The following CSMD1 variants were observed in gnomAD, a reference collection of about 807,000 sequenced individuals.
CSMD1 encodes the protein CUB and Sushi multiple domains 1, also known as CUB and sushi domain-containing protein 1.
A neutral mutation model predicts 417.5 loss-of-function variants in CSMD1; 213 were observed. The observed-to-expected ratio is 0.51, with a 90% CI of 0.46 to 0.57. The LOEUF is 0.57. Among genes scored for constraint, CSMD1 ranks in the 20% least tolerant of loss-of-function variants. CSMD1 has a pLI of 0.00. For missense variants in CSMD1, 6,923 were observed against 4,529.7 expected (o/e 1.53, Z -15.17); for synonymous variants, 2,862 against 1,736.8 (o/e 1.65, Z -16.11).
chr8:4,344,873 A>G (rs1056371378), intron 3 of CSMD1, among the ~76,000 whole-genome samples: 5 of 152,172 alleles, frequency 3.3e-5, no homozygotes, highest in Non-Finnish European at 1.5e-5. Context: ...CCTAGCGATA[A>G]GGACAACTCA....
chr8:3,055,405 G>A (rs577020304), intron 49 of CSMD1, among the ~76,000 whole-genome samples: 2 of 152,192 alleles, frequency 1.3e-5, no homozygotes, highest in East Asian at 1.9e-4. Flanking sequence ...TTAAAATAAC[G>A]GTTGGCAATG....
chr8:4,193,131 A>G (rs149086544), intron 3 of CSMD1, among the ~76,000 whole-genome samples: 50 of 152,304 alleles, frequency 3.3e-4, no homozygotes, highest in African/African-American at 1.2e-3. Context: ...AGCTTTCAGG[A>G]AAGACATCTG....
At chr8:4,522,208 T>C (rs947716335) in intron 2 of CSMD1, among the ~76,000 whole-genome samples, 7 of 152,072 alleles carry the variant, frequency 4.6e-5, no homozygotes, top group Admixed American at 3.3e-4. Flanking sequence ...TTTATAAAAA[T>C]GGGAGGTTCT....
At chr8:3,892,715 GTTTTTTTTT>G (rs35178951) in intron 5 of CSMD1, among the ~76,000 whole-genome samples, 4 of 107,090 alleles carry the variant, frequency 3.7e-5, no homozygotes, top group African/African-American at 1.3e-4. Context: ...ATTTAGGCAG[GTTTTTTTTT>G]TTTTTTTTTT....
intron 3 of CSMD1, among the ~76,000 whole-genome samples, chr8:4,143,330 A>T (rs567338639): frequency 4.7e-5 from 7 of 147,964 alleles, no homozygotes; most frequent in African/African-American, 1.8e-4. Context: ...AGTTCTTCAA[A>T]TCTGATTCAT....
At chr8:4,241,211 C>T (rs1013285378) in intron 3 of CSMD1, among the ~76,000 whole-genome samples, 1 of 152,196 alleles carries the variant, frequency 6.6e-6, no homozygotes, top group African/African-American at 2.4e-5. Context: ...AAGTCCATGA[C>T]TTGTAGCACA....
At chr8:3,955,849 G>T (rs779895996) in intron 5 of CSMD1, among the ~76,000 whole-genome samples, 1 of 152,196 alleles carries the variant, frequency 6.6e-6, no homozygotes, top group Non-Finnish European at 1.5e-5. Context: ...GCCACACTGA[G>T]ATCTCTGTTC....
At chr8:4,582,433 G>A (rs1286687122) in intron 2 of CSMD1, among the ~76,000 whole-genome samples, 1 of 152,152 alleles carries the variant, frequency 6.6e-6, no homozygotes. Flanking sequence ...GAATAACGGA[G>A]AGAAAGAAAA....
At chr8:3,050,671 A>T (rs1011387806) in intron 50 of CSMD1, among the ~76,000 whole-genome samples, 2 of 152,196 alleles carry the variant, frequency 1.3e-5, no homozygotes, top group African/African-American at 4.8e-5. Context: ...AAGAAATACT[A>T]ATGTTGATTC....
chr8:4,075,844 T>C (rs1015263090), intron 3 of CSMD1, among the ~76,000 whole-genome samples: 11 of 152,194 alleles, frequency 7.2e-5, no homozygotes, highest in African/African-American at 2.2e-4. Context: ...AAGCAGGCTA[T>C]TGTCCTCAGG....
At chr8:3,998,989 TGATA>T (rs1419244980) in intron 4 of CSMD1, among the ~76,000 whole-genome samples, 1 of 147,356 alleles carries the variant, frequency 6.8e-6, no homozygotes, top group Non-Finnish European at 1.5e-5. Context: ...ATAAACTATA[TGATA>T]GTTTATATAT....
chr8:4,520,716 C>A (rs187957026), intron 2 of CSMD1, among the ~76,000 whole-genome samples: 1 of 152,080 alleles, frequency 6.6e-6, no homozygotes, highest in African/African-American at 2.4e-5. Context: ...GAATCCTGAA[C>A]TTTTGTTCCA....
At chr8:3,313,595 T>G (rs377075290) in intron 23 of CSMD1, among the ~76,000 whole-genome samples, 100 of 152,126 alleles carry the variant, frequency 6.6e-4, no homozygotes, top group African/African-American at 2.3e-3. Flanking sequence ...TGGCAAGCAA[T>G]CAATCATTAA....
intron 46 of CSMD1, among the ~76,000 whole-genome samples, chr8:3,101,326 C>G (rs1184994856): frequency 6.6e-6 from 1 of 152,236 alleles, no homozygotes; most frequent in Non-Finnish European, 1.5e-5. Context: ...AAATGCCTCT[C>G]TTTCCTTAAC....
In CSMD1 at chr8:3,948,378, C is replaced by G. The variant is rs545237579; in HGVS notation, c.818+49525G>C. 3.3e-5 allele frequency among the ~76,000 whole-genome samples: 5 copies of G among 152,176 alleles called. No homozygotes were observed. The South Asian group carries it at 1.0e-3, about 32-fold the overall frequency. On this transcript the variant is annotated intron_variant, in intron 5 of 69. Transcript: ENST00000635120. ...ATGACTGAAGAGCACTTTGGAAGCA[C>G]TGATGCATACAGGAGAGGGAGGGAG...
intron 2 of CSMD1, among the ~76,000 whole-genome samples, chr8:4,497,863 C>G (rs1017954572): frequency 6.6e-6 from 1 of 152,122 alleles, no homozygotes; most frequent in Non-Finnish European, 1.5e-5. Flanking sequence ...TTGGTGCAGT[C>G]GTAGAAATGC....
chr8:4,417,550 G>A, intron 3 of CSMD1, among the ~76,000 whole-genome samples: 1 of 151,886 alleles, frequency 6.6e-6, no homozygotes, highest in East Asian at 1.9e-4. Context: ...TAATATGAAA[G>A]TTCATTTTAT....
chr8:4,116,210 T>G (rs1242302514), intron 3 of CSMD1, among the ~76,000 whole-genome samples: 3 of 152,146 alleles, frequency 2.0e-5, no homozygotes, highest in African/African-American at 4.8e-5. Flanking sequence ...GCCAGGCTGG[T>G]CCTGAACTCC....
chr8:3,054,678 CAT>C (rs1262611919), intron 49 of CSMD1, among the ~76,000 whole-genome samples: 6 of 152,106 alleles, frequency 3.9e-5, no homozygotes, highest in African/African-American at 2.4e-5. Flanking sequence ...CATGTGTGTA[CAT>C]GTGTCCATGT....
Sources: gnomAD v4.1 joint callset for allele counts (sites outside exome capture counted in the v4.1 genomes callset) on GRCh38, gnomAD v4.1.1 for gene constraint, MANE v1.5 for transcripts, NCBI Gene and HGNC (gene_info 2026-07-23, HGNC 2026-07-21) for gene names.